The following ADGRL2 variants were observed in gnomAD, a reference collection of about 807,000 sequenced individuals.
ADGRL2 encodes calcium-independent alpha-latrotoxin receptor 2.
In ADGRL2, 44 loss-of-function variants were observed where a neutral mutation model predicts 157.4. The observed-to-expected ratio is 0.28, with a 90% CI of 0.22 to 0.36. The LOEUF (loss-of-function observed/expected upper bound fraction) is 0.36, where lower values mean the gene tolerates loss of function less well. Among genes scored for constraint, ADGRL2 ranks in the 10% least tolerant of loss-of-function variants. ADGRL2 has a pLI of 1.00. For synonymous variants in ADGRL2, 585 were observed against 624.7 expected (o/e 0.94, Z 0.95); for missense variants, 1,510 against 1,768.9 (o/e 0.85, Z 2.63).
At position 81,881,140 on chromosome 1, in the gene ADGRL2, A is replaced by T. The variant is rs570973906; in HGVS notation, c.74-25877A>T. 1.6e-3 allele frequency among the ~76,000 whole-genome samples: 236 copies of T among 152,226 alleles called. 7 individuals are homozygous for T. In the South Asian group the frequency reaches 0.033, roughly 21 times the overall value. On this transcript the variant is annotated intron_variant, in intron 2 of 23. Transcript: ENST00000686636. ...GATTGCTAGAACTTTATATATATAT[A>T]TTTTTGGTAAGGCATTAATTCACTG...
At chr1:81,829,693 A>G (rs1358367679) in intron 1 of ADGRL2, among the ~76,000 whole-genome samples, 2 of 152,366 alleles carry the variant, frequency 1.3e-5, no homozygotes, top group African/African-American at 4.8e-5. Flanking sequence ...ATATTTTGAT[A>G]GAAGAGACAA....
At chr1:81,546,053 A>AT (rs963387639) in intron 2 of ADGRL2, among the ~76,000 whole-genome samples, 81 of 149,990 alleles carry the variant, frequency 5.4e-4, no homozygotes, top group Non-Finnish European at 7.7e-4. Flanking sequence ...TCTTAAAAAT[A>AT]TTTTTTTTTT....
chr1:81,826,607 G>A (rs190347185), intron 1 of ADGRL2, among the ~76,000 whole-genome samples: 8 of 152,214 alleles, frequency 5.3e-5, no homozygotes, highest in East Asian at 3.9e-4. Flanking sequence ...TTGGCCCTTC[G>A]CCTTAACCTT....
intron 21 of ADGRL2, among the ~76,000 whole-genome samples, chr1:81,986,288 C>T (rs1663131680): frequency 6.6e-6 from 1 of 152,032 alleles, no homozygotes; most frequent in African/African-American, 2.4e-5. Flanking sequence ...TGGCAAATAA[C>T]ATTACATAAT....
At chr1:81,778,225 A>AG (rs2086669344) in intron 2 of ADGRL2, among the ~76,000 whole-genome samples, 2 of 151,598 alleles carry the variant, frequency 1.3e-5, no homozygotes, top group African/African-American at 4.8e-5. Flanking sequence ...GGGGAGGCTG[A>AG]GCAGGAGAAT....
At chr1:81,866,090 T>A (rs1206438158) in intron 2 of ADGRL2, among the ~76,000 whole-genome samples, 1 of 152,232 alleles carries the variant, frequency 6.6e-6, no homozygotes, top group Non-Finnish European at 1.5e-5. Flanking sequence ...TTTACACTGT[T>A]AAGCCTTGAT....
At chr1:81,809,486 G>T (rs2089592433) in intron 1 of ADGRL2, among the ~76,000 whole-genome samples, 1 of 151,922 alleles carries the variant, frequency 6.6e-6, no homozygotes, top group Admixed American at 6.6e-5. Flanking sequence ...AAGTTGAAAA[G>T]ATGGTTAACT....
At chr1:81,322,597 A>C (rs1660602625) in intron 1 of ADGRL2, among the ~76,000 whole-genome samples, 1 of 152,192 alleles carries the variant, frequency 6.6e-6, no homozygotes, top group South Asian at 2.1e-4. Context: ...CATTGTAAAA[A>C]GGACAGTGGA....
chr1:81,629,925 T>C (rs1298312449), intron 3 of ADGRL2, among the ~76,000 whole-genome samples: 2 of 151,920 alleles, frequency 1.3e-5, no homozygotes, highest in African/African-American at 4.8e-5. Flanking sequence ...TAAATCATAA[T>C]GTAAAATGTA....
At chr1:81,722,958 T>C (rs755863328) in intron 1 of ADGRL2, 1 of 768,330 alleles carries the variant, frequency 1.3e-6, no homozygotes, top group Non-Finnish European at 2.3e-6. Flanking sequence ...CCAGAAGTTA[T>C]GGTGGCCTTC....
intron 1 of ADGRL2, among the ~76,000 whole-genome samples, chr1:81,433,627 A>G (rs1206615425): frequency 6.6e-6 from 1 of 152,200 alleles, no homozygotes; most frequent in Admixed American, 6.5e-5. Flanking sequence ...TTCGGCAAGG[A>G]AATTATTTAA....
intron 2 of ADGRL2, among the ~76,000 whole-genome samples, chr1:81,891,529 T>G (rs2094264193): frequency 6.6e-6 from 1 of 152,154 alleles, no homozygotes; most frequent in African/African-American, 2.4e-5. Context: ...TGTCACCATA[T>G]TTTAAATTTT....
At chr1:81,351,108 CT>C (rs1662854513) in intron 1 of ADGRL2, among the ~76,000 whole-genome samples, 1 of 152,128 alleles carries the variant, frequency 6.6e-6, no homozygotes. Context: ...TTAAGGGTCG[CT>C]TAGCATTTCC....
chr1:81,714,177 C>T (rs1048319506), intron 1 of ADGRL2, among the ~76,000 whole-genome samples: 2 of 152,088 alleles, frequency 1.3e-5, no homozygotes, highest in African/African-American at 4.8e-5. Flanking sequence ...AGCTACAATT[C>T]AAGATGAGAT....
At chr1:81,982,791 A>G (rs750925796) in intron 19 of ADGRL2, among the ~76,000 whole-genome samples, 1 of 151,980 alleles carries the variant, frequency 6.6e-6, no homozygotes, top group Non-Finnish European at 1.5e-5. Context: ...GGAATGTGCA[A>G]TACTGACAGA....
At chr1:81,529,513 A>T (rs958395915) in intron 2 of ADGRL2, among the ~76,000 whole-genome samples, 1 of 152,254 alleles carries the variant, frequency 6.6e-6, no homozygotes, top group Non-Finnish European at 1.5e-5. Flanking sequence ...TACTTATTGA[A>T]TGCTTATCTT....
chr1:81,789,551 C>A lies in ADGRL2; in HGVS notation c.-101+27699C>A, dbSNP rs895899065. 4.0e-5 allele frequency among the ~76,000 whole-genome samples: 6 copies of A among 151,814 alleles called. No homozygotes were observed. In the South Asian group the frequency reaches 1.0e-3, roughly 26 times the overall value. Reference sequence around the variant, plus strand: ...GACCATCCTGGCCAACATGGTGAAACCCCATCTCTATTAAATACACAAAAA... The same window carrying A: ...GACCATCCTGGCCAACATGGTGAAAACCCATCTCTATTAAATACACAAAAA... On this transcript the variant is annotated intron_variant, in intron 2 of 20. Coordinates refer to the ADGRL2 transcript ENST00000359929.
chr1:81,699,090 A>G (rs760948190), upstream of ADGRL2, among the ~76,000 whole-genome samples: 1 of 152,242 alleles, frequency 6.6e-6, no homozygotes, highest in East Asian at 1.9e-4. Context: ...TGTACAACAT[A>G]CAACATACAC....
intron 1 of ADGRL2, among the ~76,000 whole-genome samples, chr1:81,835,040 C>T (rs1036430487): frequency 6.6e-6 from 1 of 152,068 alleles, no homozygotes; most frequent in African/African-American, 2.4e-5. Flanking sequence ...GTCATCAGTC[C>T]CTGATTTCTT....
Sources: gnomAD v4.1 joint callset for allele counts (sites outside exome capture counted in the v4.1 genomes callset) on GRCh38, gnomAD v4.1.1 for gene constraint, MANE v1.5 for transcripts, NCBI Gene and HGNC (gene_info 2026-07-23, HGNC 2026-07-21) for gene names.